The following CNTNAP2 variants were observed in gnomAD, a reference collection of about 807,000 sequenced individuals.
The protein encoded by CNTNAP2 is contactin-associated protein-like 2.
CNTNAP2 carries 98 observed loss-of-function variants against 155.2 expected under a neutral mutation model. The observed-to-expected ratio is 0.63, with a 90% CI of 0.54 to 0.75. The LOEUF (loss-of-function observed/expected upper bound fraction) is 0.75, where lower values mean the gene tolerates loss of function less well. Among genes scored for constraint, CNTNAP2 ranks in the 30% least tolerant of loss-of-function variants. The pLI, the probability that CNTNAP2 is intolerant of heterozygous loss-of-function variation, is 0.00. For synonymous variants in CNTNAP2, 651 were observed against 631.2 expected (o/e 1.03, Z -0.47); for missense variants, 1,727 against 1,688.1 (o/e 1.02, Z -0.40).
chr7:147,307,935 G>T (rs1293671151), intron 9 of CNTNAP2, among the ~76,000 whole-genome samples: 1 of 152,194 alleles, frequency 6.6e-6, no homozygotes, highest in Non-Finnish European at 1.5e-5. Flanking sequence ...AGGGGAAAAA[G>T]TGCTTGCTCT....
At chr7:146,631,917 T>C (rs1799516968) in intron 1 of CNTNAP2, among the ~76,000 whole-genome samples, 1 of 151,112 alleles carries the variant, frequency 6.6e-6, no homozygotes, top group Non-Finnish European at 1.5e-5. Context: ...CAGTGCCTGC[T>C]CAAAGGCTCA....
intron 21 of CNTNAP2, among the ~76,000 whole-genome samples, chr7:148,301,474 T>G (rs1185568617): frequency 6.6e-6 from 1 of 151,938 alleles, no homozygotes; most frequent in Non-Finnish European, 1.5e-5. Context: ...CATTCAACTC[T>G]GCAAGTCTGT....
chr7:147,816,736 C>CT (rs140442308), intron 13 of CNTNAP2, among the ~76,000 whole-genome samples: 18,081 of 151,966 alleles, frequency 0.12, 1,263 homozygotes, highest in South Asian at 0.25. Flanking sequence ...GATGAATAGC[C>CT]TTTTTTATGG....
chr7:146,249,086 C>A (rs1417268636), intron 1 of CNTNAP2, among the ~76,000 whole-genome samples: 1 of 151,994 alleles, frequency 6.6e-6, no homozygotes, highest in Non-Finnish European at 1.5e-5. Context: ...AAAACAATGT[C>A]ATCAGTTAAG....
intron 16 of CNTNAP2, among the ~76,000 whole-genome samples, chr7:148,132,756 T>C: frequency 6.6e-6 from 1 of 152,248 alleles, no homozygotes; most frequent in Non-Finnish European, 1.5e-5. Context: ...CTGCCTCTCC[T>C]TTTGTTGGGA....
chr7:147,661,080 T>G (rs973335822), intron 13 of CNTNAP2, among the ~76,000 whole-genome samples: 1 of 152,134 alleles, frequency 6.6e-6, no homozygotes, highest in Non-Finnish European at 1.5e-5. Flanking sequence ...TTCTCCATGA[T>G]GTACCTATCT....
intron 12 of CNTNAP2, among the ~76,000 whole-genome samples, chr7:147,604,688 G>A (rs188031977): frequency 4.9e-4 from 75 of 152,220 alleles, no homozygotes; most frequent in Middle Eastern, 3.4e-3. Flanking sequence ...TACTATCAGA[G>A]GGTAAATAAT....
intron 3 of CNTNAP2, among the ~76,000 whole-genome samples, chr7:146,895,374 C>G (rs987211726): frequency 1.3e-5 from 2 of 149,626 alleles, no homozygotes; most frequent in African/African-American, 4.9e-5. Flanking sequence ...TTCCTATTTC[C>G]TTGCATTGCA....
chr7:146,222,191 G>A (rs928301743), intron 1 of CNTNAP2, among the ~76,000 whole-genome samples: 3 of 152,164 alleles, frequency 2.0e-5, no homozygotes, highest in African/African-American at 7.2e-5. Context: ...CTGCTACTAT[G>A]TGCAGACACC....
intron 1 of CNTNAP2, among the ~76,000 whole-genome samples, chr7:146,477,624 AACACACACACACACACACACACACAC>A (rs1162610079): frequency 4.6e-5 from 6 of 131,724 alleles, no homozygotes; most frequent in Middle Eastern, 3.9e-3. Context: ...TTCTTCAGCA[AACACACACACACACACACACACACAC>A]ACACACACAC....
At chr7:147,883,655 C>A (rs74363976) in intron 13 of CNTNAP2, among the ~76,000 whole-genome samples, 6,004 of 152,128 alleles carry the variant, frequency 0.039, 381 homozygotes, top group African/African-American at 0.14. Flanking sequence ...AGGTGAAATC[C>A]AATTTCAACT....
chr7:146,550,396 A>C (rs1320370105), intron 1 of CNTNAP2, among the ~76,000 whole-genome samples: 1 of 75,782 alleles, frequency 1.3e-5, no homozygotes, highest in Non-Finnish European at 2.4e-5. Flanking sequence ...GAGGTCCATT[A>C]ATCTGTTTTT....
At chr7:147,465,413 G>A (rs962600662) in intron 10 of CNTNAP2, among the ~76,000 whole-genome samples, 4 of 152,074 alleles carry the variant, frequency 2.6e-5, no homozygotes, top group Non-Finnish European at 5.9e-5. Flanking sequence ...AAGATTTTAT[G>A]CGCATAAATT....
chr7:146,737,101 TAAGA>T (rs1801634203), intron 1 of CNTNAP2, among the ~76,000 whole-genome samples: 1 of 151,818 alleles, frequency 6.6e-6, no homozygotes, highest in African/African-American at 2.4e-5. Flanking sequence ...AAAAATAAAT[TAAGA>T]ATGTTATTTT....
chr7:146,810,427 C>T (rs1466243034), intron 2 of CNTNAP2, among the ~76,000 whole-genome samples: 1 of 150,658 alleles, frequency 6.6e-6, no homozygotes, highest in African/African-American at 2.4e-5. Flanking sequence ...TATTCCTGAG[C>T]ATTTTATTGT....
At chr7:148,271,599 C>T (rs978938734) in intron 21 of CNTNAP2, among the ~76,000 whole-genome samples, 8 of 152,246 alleles carry the variant, frequency 5.3e-5, no homozygotes, top group East Asian at 1.9e-4. Flanking sequence ...GAAGCAAGGA[C>T]GAGGTTCTTG....
chr7:146,243,513 C>A (rs771281711), intron 1 of CNTNAP2, among the ~76,000 whole-genome samples: 21 of 152,084 alleles, frequency 1.4e-4, no homozygotes, highest in Admixed American at 5.2e-4. Flanking sequence ...ATGTGTTGAT[C>A]AGTCACATGG....
At chr7:148,268,694 A>G (rs1268002165) in intron 21 of CNTNAP2, among the ~76,000 whole-genome samples, 1 of 151,870 alleles carries the variant, frequency 6.6e-6, no homozygotes, top group Non-Finnish European at 1.5e-5. Context: ...CTTATGTAAG[A>G]TTTACTGTAG....
intron 23 of CNTNAP2, among the ~76,000 whole-genome samples, chr7:148,412,572 T>C (rs1015133038): frequency 1.3e-5 from 2 of 152,240 alleles, no homozygotes; most frequent in African/African-American, 4.8e-5. Flanking sequence ...CCTTGCTAAA[T>C]TTGCTGTTAG....
Sources: gnomAD v4.1 joint callset for allele counts (sites outside exome capture counted in the v4.1 genomes callset) on GRCh38, gnomAD v4.1.1 for gene constraint, MANE v1.5 for transcripts, NCBI Gene and HGNC (gene_info 2026-07-23, HGNC 2026-07-21) for gene names.